The following CDH1 variants were observed in gnomAD, a reference collection of about 807,000 sequenced individuals.
CDH1 encodes cadherin-1.
Under a neutral mutation model 84.5 loss-of-function variants are expected in CDH1, and 35 were observed. The observed-to-expected ratio is 0.41, with a 90% CI of 0.32 to 0.55. CDH1 has a LOEUF of 0.55. Ranked by LOEUF, CDH1 falls within the 20% of genes least tolerant of loss-of-function variation. The probability of loss-of-function intolerance (pLI) is 0.19; values close to 1 mark genes in which losing one functional copy is unlikely to be tolerated. For synonymous variants in CDH1, 417 were observed against 439.0 expected (o/e 0.95, Z 0.63); for missense variants, 994 against 1,126.6 (o/e 0.88, Z 1.68).
chr16:68,787,757 C>T (rs1313753642), intron 2 of CDH1, among the ~76,000 whole-genome samples: 4 of 151,800 alleles, frequency 2.6e-5, no homozygotes, highest in Non-Finnish European at 4.4e-5. Context: ...CTCCTGGGTT[C>T]AAGCAGTTCT....
At chr16:68,745,549 A>ATATATATATATATGT (rs1285099283) in intron 2 of CDH1, among the ~76,000 whole-genome samples, 3,303 of 75,046 alleles carry the variant, frequency 0.044, 142 homozygotes, top group African/African-American at 0.069. Context: ...AAAAAAAAAA[A>ATATATATATATATGT]ATATATATAT....
intron 2 of CDH1, among the ~76,000 whole-genome samples, chr16:68,798,652 A>G (rs1461218343): frequency 2.0e-5 from 3 of 152,144 alleles, no homozygotes; most frequent in African/African-American, 7.2e-5. Context: ...AAGTCCAATC[A>G]TGCTTGTCTC....
intron 2 of CDH1, among the ~76,000 whole-genome samples, chr16:68,759,156 T>A (rs1963093616): frequency 6.6e-6 from 1 of 151,860 alleles, no homozygotes; most frequent in Non-Finnish European, 1.5e-5. Context: ...CCCAGGTTGG[T>A]CTCAAACTCC....
intron 2 of CDH1, chr16:68,742,340 C>G (rs988820002): frequency 6.6e-6 from 1 of 151,010 alleles, no homozygotes; most frequent in Admixed American, 6.6e-5. Context: ...AGTGCAGTGA[C>G]GTGATCTCGG....
intron 5 of CDH1, 111 bp downstream of exon 5, chr16:68,808,959 A>T: frequency 1.0e-6 from 1 of 966,748 alleles, no homozygotes; most frequent in Non-Finnish European, 1.6e-6. Flanking sequence ...GAGGAGCTTA[A>T]CTTGACACCT....
rs758764445 is a variant in CDH1, at chr16:68,813,490, G to A, written c.1315G>A (p.Ala439Thr). 15 of 1,614,084 alleles carry A rather than the reference G, an allele frequency of 9.3e-6. No individual in the cohort carries two copies. Among genetic ancestry groups the A allele is most frequent in the Non-Finnish European group, 1.1e-5 (13 of 1,179,966 alleles). ...PVNNDGILKTAKGLDFEAKQQ... is the reference protein window; with the variant it reads ...PVNNDGILKTTKGLDFEAKQQ... ...GAACAACGATGGCATTTTGAAAACA[G>A]CAAAGGTTTGTATGGTACCTGGCAA... The change falls in exon 9 of 16, where the codon GCA (alanine) becomes ACA (threonine). Residue 439 changes from alanine (A) to threonine (T), a missense_variant. Ala to Thr is a moderately conservative substitution (Grantham distance 58, BLOSUM62 0). Transcript: ENST00000261769.
chr16:68,761,024 G>T (rs1005776512), intron 2 of CDH1, among the ~76,000 whole-genome samples: 2 of 152,222 alleles, frequency 1.3e-5, no homozygotes, highest in Non-Finnish European at 2.9e-5. Context: ...TAGGTCAAGT[G>T]AAACTGAACT....
intron 2 of CDH1, among the ~76,000 whole-genome samples, chr16:68,777,968 G>C (rs1350960722): frequency 6.6e-6 from 1 of 152,136 alleles, no homozygotes; most frequent in Non-Finnish European, 1.5e-5. Context: ...CTGACCTCAG[G>C]TGATCCACCT....
chr16:68,764,773 C>T (rs1371079898), intron 2 of CDH1, among the ~76,000 whole-genome samples: 2 of 152,140 alleles, frequency 1.3e-5, no homozygotes, highest in African/African-American at 2.4e-5. Context: ...CCTTAGGTGG[C>T]CAGGGAGCCC....
At chr16:68,784,806 C>CT (rs34946816) in intron 2 of CDH1, among the ~76,000 whole-genome samples, 1,506 of 146,430 alleles carry the variant, frequency 0.01, 26 homozygotes, top group African/African-American at 0.034. Context: ...CAGTTCCATT[C>CT]TTTTTTTTTT....
intron 2 of CDH1, among the ~76,000 whole-genome samples, chr16:68,777,404 T>C (rs11642362): frequency 0.48 from 73,654 of 152,108 alleles, 19,028 homozygotes; most frequent in Non-Finnish European, 0.58. Flanking sequence ...ATGACTAATA[T>C]AAGCCTGGCA....
Position 68,823,097 on chromosome 16 carries a change from G to A in CDH1, c.1937-302G>A, listed in dbSNP as rs16958383. On this transcript the variant is annotated intron_variant, in intron 12 of 15. Coordinates refer to ENST00000261769, the MANE Select transcript of CDH1 (RefSeq NM_004360.5). ...CAAAAAGGTTCACCCTCAGGCACAC[G>A]GGAGCCTACCGAACCCAGCGACATC... 0.16 allele frequency: 59,048 copies of A among 364,374 alleles called. 5,473 individuals are homozygous for A. The highest frequency in any genetic ancestry group is 0.29 in the African/African-American group (13,683 of 47,218). The allele number at this position is 364,374 out of a possible 1,614,324, so 22.6% of individuals were successfully genotyped here.
intron 10 of CDH1, among the ~76,000 whole-genome samples, chr16:68,818,849 C>CAAAAAAAAA (rs758115524): frequency 5.5e-5 from 4 of 72,490 alleles, no homozygotes; most frequent in East Asian, 5.9e-4. Context: ...GACTCCGTCT[C>CAAAAAAAAA]AAAAAAAAAA....
chr16:68,825,367 G>A (rs1179116049), intron 13 of CDH1, among the ~76,000 whole-genome samples: 2 of 152,210 alleles, frequency 1.3e-5, no homozygotes, highest in Non-Finnish European at 2.9e-5. Context: ...TAGAAGAGCA[G>A]AGACCAGGCC....
intron 11 of CDH1, among the ~76,000 whole-genome samples, chr16:68,821,249 G>T (rs1961135077): frequency 6.6e-6 from 1 of 152,098 alleles, no homozygotes; most frequent in Non-Finnish European, 1.5e-5. Flanking sequence ...AAGATGCGAG[G>T]ATCACTTGAG....
In CDH1 at chr16:68,791,271, A is replaced by G. The variant is rs1014914429; in HGVS notation, c.164-10399A>G. 3.9e-5 allele frequency among the ~76,000 whole-genome samples: 6 copies of G among 152,172 alleles called. 1 individual carries two copies. Among genetic ancestry groups the G allele is most frequent in the Non-Finnish European group, 8.8e-5 (6 of 68,038 alleles). ...TCAGCACACAGCTCCAAGCTGGGGC[A>G]GTCTCTTTCACTTCCCTTTATTCCC... is the stretch of plus-strand genomic sequence containing the variant. On this transcript the variant is annotated intron_variant, in intron 2 of 15. Coordinates refer to ENST00000261769, the MANE Select transcript of CDH1 (RefSeq NM_004360.5).
In CDH1 at chr16:68,833,270, T is replaced by G; in HGVS notation, c.2440-20T>G. ...TGCCCTTCCTTTCACTAAAAGATGC[T>G]TTTGTCCCTTCTTCTTTAGAATCTG... On this transcript the variant is annotated intron_variant, in intron 15 of 15. Coordinates refer to ENST00000261769, the MANE Select transcript of CDH1 (RefSeq NM_004360.5). 1 of 1,609,666 alleles carries G rather than the reference T, an allele frequency of 6.2e-7. No homozygotes were observed. Among genetic ancestry groups the G allele is most frequent in the Non-Finnish European group, 8.5e-7 (1 of 1,175,984 alleles).
chr16:68,783,652 T>A (rs1360659690), intron 2 of CDH1, among the ~76,000 whole-genome samples: 2 of 152,092 alleles, frequency 1.3e-5, no homozygotes, highest in Non-Finnish European at 2.9e-5. Context: ...TTGATTCTTT[T>A]TTAAACAGCT....
intron 2 of CDH1, among the ~76,000 whole-genome samples, chr16:68,764,907 C>T (rs1424834698): frequency 3.3e-5 from 5 of 152,172 alleles, no homozygotes; most frequent in African/African-American, 4.8e-5. Flanking sequence ...CTGGATAATG[C>T]AGACTAGTGG....
Sources: allele counts gnomAD v4.1 joint callset (sites outside exome capture counted in the v4.1 genomes callset), GRCh38; gene constraint gnomAD v4.1.1; transcripts MANE v1.5; gene names NCBI Gene and HGNC (gene_info 2026-07-23, HGNC 2026-07-21).